The following PRUNE2 variants were observed in gnomAD, a reference collection of about 807,000 sequenced individuals.
PRUNE2 encodes protein prune homolog 2.
PRUNE2 carries 164 observed loss-of-function variants against 252.0 expected under a neutral mutation model. The observed-to-expected ratio is 0.65, with a 90% CI of 0.57 to 0.74. The LOEUF (loss-of-function observed/expected upper bound fraction) is 0.74. Ranked by LOEUF, PRUNE2 falls within the 30% of genes least tolerant of loss-of-function variation. The pLI, the probability that PRUNE2 is intolerant of heterozygous loss-of-function variation, is 0.00. For synonymous variants in PRUNE2, 1,292 were observed against 1,350.2 expected, an observed-to-expected ratio of 0.96 and a Z score of 0.94; for missense variants, 3,495 against 3,711.0, an observed-to-expected ratio of 0.94 and a Z score of 1.51.
intron 1 of PRUNE2, among the ~76,000 whole-genome samples, chr9:76,894,840 T>TG (rs2062723666): frequency 1.3e-5 from 2 of 151,716 alleles, no homozygotes; most frequent in Non-Finnish European, 2.9e-5. Flanking sequence ...TCCAACATGA[T>TG]GAAACCCCGT....
At chr9:76,808,206 C>G (rs1048322205) in intron 6 of PRUNE2, among the ~76,000 whole-genome samples, 1 of 152,118 alleles carries the variant, frequency 6.6e-6, no homozygotes, top group African/African-American at 2.4e-5. Flanking sequence ...AAAACACCTT[C>G]CAGCTTTTTT....
chr9:76,800,225 C>T (rs139756297), intron 6 of PRUNE2, among the ~76,000 whole-genome samples: 1,716 of 152,064 alleles, frequency 0.011, 37 homozygotes, highest in African/African-American at 0.038. Flanking sequence ...GACAGGCCCC[C>T]GTGTGTGATG....
chr9:76,840,903 C>T (rs889486107), intron 4 of PRUNE2, among the ~76,000 whole-genome samples: 17 of 152,210 alleles, frequency 1.1e-4, no homozygotes, highest in Admixed American at 5.9e-4. Flanking sequence ...ATCGCTTGAA[C>T]CCGAGAGGCG....
chr9:76,738,677 ACT>A (rs2135525413), intron 6 of PRUNE2: 1 of 152,188 alleles, frequency 6.6e-6, no homozygotes, highest in African/African-American at 2.4e-5. Flanking sequence ...GCTCACTGAC[ACT>A]CTCTGAAGAT....
chr9:76,637,014 A>G (rs1283481707), intron 14 of PRUNE2, among the ~76,000 whole-genome samples: 2 of 81,056 alleles, frequency 2.5e-5, no homozygotes, highest in African/African-American at 8.1e-5. Flanking sequence ...TGTGTGTATA[A>G]TTTTAGGGAG....
chr9:76,780,517 T>C (rs1182792181), intron 6 of PRUNE2, among the ~76,000 whole-genome samples: 3 of 151,720 alleles, frequency 2.0e-5, no homozygotes, highest in African/African-American at 7.3e-5. Context: ...GAAACCCTGT[T>C]TCTAATAAAA....
At chr9:76,781,586 C>T (rs544186533) in intron 6 of PRUNE2, among the ~76,000 whole-genome samples, 4 of 152,290 alleles carry the variant, frequency 2.6e-5, no homozygotes, top group African/African-American at 9.6e-5. Context: ...AGGTTATATA[C>T]ATTTTCTTAT....
At chr9:76,881,619 T>TC (rs897544503) in intron 1 of PRUNE2, among the ~76,000 whole-genome samples, 1 of 149,912 alleles carries the variant, frequency 6.7e-6, no homozygotes, top group Non-Finnish European at 1.5e-5. Flanking sequence ...TCTGGACATT[T>TC]CTTTTTTTTT....
At chr9:76,725,951 G>T (rs1242068796) in intron 6 of PRUNE2, among the ~76,000 whole-genome samples, 1 of 152,214 alleles carries the variant, frequency 6.6e-6, no homozygotes, top group Non-Finnish European at 1.5e-5. Context: ...GATCTGGGGA[G>T]TGTTCCCACA....
At chr9:76,615,625 G>T (rs746133298) in intron 18 of PRUNE2, among the ~76,000 whole-genome samples, 2 of 152,114 alleles carry the variant, frequency 1.3e-5, no homozygotes, top group African/African-American at 2.4e-5. Context: ...CTGTAAAATG[G>T]AACGGTCATA....
chr9:76,900,909 T>C (rs555556265), intron 1 of PRUNE2, among the ~76,000 whole-genome samples: 2 of 152,254 alleles, frequency 1.3e-5, no homozygotes, highest in South Asian at 2.1e-4. Context: ...CAAAATTATG[T>C]TAATATCTGC....
chr9:76,870,853 A>T (rs1217436710), intron 1 of PRUNE2, among the ~76,000 whole-genome samples: 1 of 152,146 alleles, frequency 6.6e-6, no homozygotes, highest in African/African-American at 2.4e-5. Flanking sequence ...CCTAAGTGGC[A>T]ACAACCAGTT....
chr9:76,638,845 A>C (rs910680086), intron 12 of PRUNE2, among the ~76,000 whole-genome samples: 5 of 152,198 alleles, frequency 3.3e-5, no homozygotes, highest in Non-Finnish European at 7.3e-5. Context: ...CAAGTAAAAC[A>C]CCTTTATTTT....
intron 4 of PRUNE2, among the ~76,000 whole-genome samples, chr9:76,837,935 C>A (rs1472746354): frequency 6.6e-6 from 1 of 151,766 alleles, no homozygotes; most frequent in Non-Finnish European, 1.5e-5. Flanking sequence ...CCACGCCCAG[C>A]TAATTTTTTG....
At chr9:76,849,059 C>T (rs1031503537) in intron 3 of PRUNE2, among the ~76,000 whole-genome samples, 2 of 152,122 alleles carry the variant, frequency 1.3e-5, no homozygotes, top group Non-Finnish European at 2.9e-5. Flanking sequence ...CAGGTACATA[C>T]CACTATGGCC....
chr9:76,757,562 T>C (rs955732890), intron 6 of PRUNE2, among the ~76,000 whole-genome samples: 2 of 152,178 alleles, frequency 1.3e-5, no homozygotes, highest in African/African-American at 4.8e-5. Context: ...TGCCAATAAA[T>C]CACTGCCAGA....
intron 1 of PRUNE2, among the ~76,000 whole-genome samples, chr9:76,872,103 T>C (rs899561063): frequency 1.3e-5 from 2 of 151,874 alleles, no homozygotes; most frequent in Admixed American, 6.6e-5. Flanking sequence ...CCTTGGCACC[T>C]GGAAGGGTAG....
rs2060287064 is a variant in PRUNE2 at position 76,857,011 on chromosome 9, C to T, written c.37-2803G>A. The T allele has an allele frequency of 8.8e-6, 4 of 454,160 alleles. No homozygotes were observed. In the Admixed American group the frequency reaches 9.4e-5, roughly 11 times the overall value. The allele number at this position is 454,160 out of a possible 1,614,324, so 28.1% of individuals were successfully genotyped here. On this transcript the variant is annotated intron_variant, in intron 1 of 18. Coordinates refer to ENST00000376718, the MANE Select transcript of PRUNE2 (RefSeq NM_015225.3). ...TCAGGTAATCCACCCGCCTTTGCCT[C>T]CCAAAGTACTGGGATTACAGGCGTG... is the stretch of plus-strand genomic sequence containing the variant.
chr9:76,855,491 T>C (rs1474176618), intron 1 of PRUNE2, among the ~76,000 whole-genome samples: 2 of 152,184 alleles, frequency 1.3e-5, no homozygotes, highest in Non-Finnish European at 2.9e-5. Context: ...AGTTATCTAC[T>C]ACATATTTTA....
Sources: allele counts gnomAD v4.1 joint callset (sites outside exome capture counted in the v4.1 genomes callset), GRCh38; gene constraint gnomAD v4.1.1; transcripts MANE v1.5; gene names NCBI Gene and HGNC (gene_info 2026-07-23, HGNC 2026-07-21).